KSR2: variants seen among roughly 807,000 people sequenced by gnomAD.
The protein encoded by KSR2 is kinase suppressor of ras 2.
KSR2 carries 25 observed loss-of-function variants against 107.8 expected under a neutral mutation model. The ratio of observed to expected loss-of-function variants is 0.23; its 90% confidence interval spans 0.17 to 0.32. The LOEUF (loss-of-function observed/expected upper bound fraction) is 0.32, where lower values mean the gene tolerates loss of function less well. KSR2 is among the 10% of genes least tolerant of loss of function. The probability of loss-of-function intolerance (pLI) is 1.00; values close to 1 mark genes in which losing one functional copy is unlikely to be tolerated. For missense variants in KSR2, 887 were observed against 1,268.9 expected, an observed-to-expected ratio of 0.70 and a Z score of 4.57; for synonymous variants, 480 against 507.0, an observed-to-expected ratio of 0.95 and a Z score of 0.71.
At chr12:117,667,323 G>A in intron 5 of KSR2, 151 bp downstream of exon 5, 1 of 756,124 alleles carries the variant, frequency 1.3e-6, no homozygotes, top group East Asian at 2.7e-5. Context: ...GGGGCTGTGG[G>A]CAGATGATGG....
At chr12:117,862,774 G>C (rs1893352219) in intron 1 of KSR2, among the ~76,000 whole-genome samples, 2 of 145,032 alleles carry the variant, frequency 1.4e-5, no homozygotes, top group African/African-American at 5.2e-5. Context: ...CTGTCGCCCA[G>C]GCTGGAGTAC....
chr12:117,547,330 A>G (rs927377839), intron 9 of KSR2, among the ~76,000 whole-genome samples: 70 of 152,318 alleles, frequency 4.6e-4, no homozygotes, highest in African/African-American at 1.5e-3. Context: ...TGGGAGGGGT[A>G]AGAATGCCAA....
At position 117,595,351 on chromosome 12, in the gene KSR2, C is replaced by CTTTTT. The variant is rs71099060; in HGVS notation, c.1172-12997_1172-12993dup. Among the ~76,000 whole-genome samples the CTTTTT allele has an allele frequency of 1.2e-3, 109 of 94,596 alleles. 2 individuals are homozygous for CTTTTT. Among genetic ancestry groups the CTTTTT allele is most frequent in the African/African-American group, 2.2e-3 (52 of 23,326 alleles). 62.1% of individuals were successfully genotyped at this position (94,596 alleles called of 152,430 possible). A position where few individuals can be genotyped will look rare whatever the true frequency, so the allele number is the denominator to read the frequency against. ...GCCCTAAACATTGCTAGATCAAATT[C>CTTTTT]TTTTTTTTTTTTTTTTTTTTTTTTG... is the stretch of plus-strand genomic sequence containing the variant. On this transcript the variant is annotated intron_variant, in intron 5 of 19. Coordinates refer to ENST00000339824, the MANE Select transcript of KSR2 (RefSeq NM_173598.6).
intron 3 of KSR2, among the ~76,000 whole-genome samples, chr12:117,827,236 CTG>C (rs1368991174): frequency 6.6e-6 from 1 of 152,126 alleles, no homozygotes; most frequent in African/African-American, 2.4e-5. Context: ...GGAAGAAAGA[CTG>C]GACTTGGGTG....
At chr12:117,543,722 A>G (rs1876661981) in intron 9 of KSR2, among the ~76,000 whole-genome samples, 1 of 152,208 alleles carries the variant, frequency 6.6e-6, no homozygotes, top group African/African-American at 2.4e-5. Context: ...AAGTACCATA[A>G]ACTGAGTGGG....
At chr12:117,672,118 G>A (rs1272568016) in intron 4 of KSR2, among the ~76,000 whole-genome samples, 1 of 152,126 alleles carries the variant, frequency 6.6e-6, no homozygotes, top group African/African-American at 2.4e-5. Flanking sequence ...ACTCTTTCCT[G>A]CCCATGGTCA....
intron 1 of KSR2, among the ~76,000 whole-genome samples, chr12:117,931,593 C>A (rs1391979753): frequency 6.6e-6 from 1 of 152,186 alleles, no homozygotes; most frequent in Non-Finnish European, 1.5e-5. Context: ...CCCTTCCCAA[C>A]AATTTAGAGC....
intron 14 of KSR2, among the ~76,000 whole-genome samples, chr12:117,486,719 G>A (rs1872488173): frequency 6.6e-6 from 1 of 152,198 alleles, no homozygotes; most frequent in Non-Finnish European, 1.5e-5. Flanking sequence ...GCTGGCATCA[G>A]AGGGATCTCA....
rs574188256 is a variant in KSR2 at position 117,622,586 on chromosome 12, G to T, written c.1172-40227C>A. 3.4e-4 allele frequency among the ~76,000 whole-genome samples: 51 copies of T among 152,170 alleles called. 2 individuals carry two copies. The South Asian group carries it at 0.01, about 31-fold the overall frequency. ...ACACCTTCCACTGACTTAAACAAAG[G>T]TAACACCAGATCTAACCCACACTGG... On this transcript the variant is annotated intron_variant, in intron 5 of 19. Transcript: ENST00000339824.
At chr12:117,646,033 A>G in intron 5 of KSR2, among the ~76,000 whole-genome samples, 1 of 152,228 alleles carries the variant, frequency 6.6e-6, no homozygotes, top group Admixed American at 6.5e-5. Flanking sequence ...AATAACTTAC[A>G]CAAAGCCTCC....
rs562312177 is a variant in KSR2, at chr12:117,585,455, G to A, written c.1172-3096C>T. 2.6e-5 allele frequency among the ~76,000 whole-genome samples: 4 copies of A among 152,302 alleles called. No homozygotes were observed. In the East Asian group the frequency reaches 7.7e-4, roughly 29 times the overall value. On this transcript the variant is annotated intron_variant, in intron 5 of 19. Coordinates refer to ENST00000339824, the MANE Select transcript of KSR2 (RefSeq NM_173598.6). ...CTCATTTCCCAATATCTGGTTGAAG[G>A]GGTGAATTCTGTCAATTGCATTAAG...
At chr12:117,876,969 A>G (rs1191344644) in intron 1 of KSR2, among the ~76,000 whole-genome samples, 1 of 152,160 alleles carries the variant, frequency 6.6e-6, no homozygotes, top group Admixed American at 6.6e-5. Context: ...CCTTATACAC[A>G]TAACCTGGAG....
intron 5 of KSR2, among the ~76,000 whole-genome samples, chr12:117,621,049 C>G (rs1882169783): frequency 6.6e-6 from 1 of 152,070 alleles, no homozygotes; most frequent in South Asian, 2.1e-4. Context: ...TGTCCCCACC[C>G]AAATCTCATC....
At chr12:117,639,379 G>A (rs1593079809) in intron 5 of KSR2, among the ~76,000 whole-genome samples, 1 of 151,184 alleles carries the variant, frequency 6.6e-6, no homozygotes, top group South Asian at 2.1e-4. Context: ...GCCCAGGCTG[G>A]AGTGCAGTGG....
rs549001368 is a variant in KSR2, at chr12:117,906,310, G to A, written c.181-45879C>T. Among the ~76,000 whole-genome samples the A allele has an allele frequency of 1.8e-4, 25 of 141,082 alleles. 2 individuals carry two copies. The South Asian group carries it at 5.6e-3, about 32-fold the overall frequency. The allele number at this position is 141,082 out of a possible 152,430, so 92.6% of individuals were successfully genotyped here. On this transcript the variant is annotated intron_variant, in intron 1 of 19. Transcript: ENST00000339824. The stretch of plus-strand genomic sequence containing the variant: ...AGAGGTTGTGGTGAGCCGAGATCGG[G>A]CCATTGCACTCCAGCCTGGGTGACA...
At chr12:117,693,844 C>CTGAG (rs1885935557) in intron 4 of KSR2, among the ~76,000 whole-genome samples, 1 of 152,148 alleles carries the variant, frequency 6.6e-6, no homozygotes, top group East Asian at 1.9e-4. Flanking sequence ...AGTTGTCTGC[C>CTGAG]CACTGAGCAG....
intron 5 of KSR2, among the ~76,000 whole-genome samples, chr12:117,653,508 G>A (rs1883991114): frequency 6.6e-6 from 1 of 152,216 alleles, no homozygotes; most frequent in Admixed American, 6.5e-5. Context: ...TCCATTACAT[G>A]ATGACATTAT....
At chr12:117,606,378 TCC>T (rs1243372398) in intron 5 of KSR2, among the ~76,000 whole-genome samples, 62 of 44,132 alleles carry the variant, frequency 1.4e-3, no homozygotes, top group East Asian at 6.9e-3. Flanking sequence ...CCTCCCTCCC[TCC>T]CCTCCTTCCT....
chr12:117,704,709 A>G (rs1421911027), intron 4 of KSR2, among the ~76,000 whole-genome samples: 1 of 151,966 alleles, frequency 6.6e-6, no homozygotes, highest in African/African-American at 2.4e-5. Flanking sequence ...AATACAAAAC[A>G]TTAGCTGGGC....
Sources: gnomAD v4.1 joint callset for allele counts (sites outside exome capture counted in the v4.1 genomes callset) on GRCh38, gnomAD v4.1.1 for gene constraint, MANE v1.5 for transcripts, NCBI Gene and HGNC (gene_info 2026-07-23, HGNC 2026-07-21) for gene names.